The following PDE5A variants were observed in gnomAD, a reference collection of about 807,000 sequenced individuals.
The protein encoded by PDE5A is cGMP-specific 3',5'-cyclic phosphodiesterase.
A neutral mutation model predicts 110.2 loss-of-function variants in PDE5A; 67 were observed. That is an observed-to-expected ratio of 0.61 (90% CI 0.50 to 0.75). The LOEUF (loss-of-function observed/expected upper bound fraction) is 0.75. PDE5A is among the 30% of genes least tolerant of loss of function. PDE5A has a pLI of 0.00. For missense variants in PDE5A, 862 were observed against 1,045.1 expected (o/e 0.82, Z 2.42); for synonymous variants, 328 against 351.2 (o/e 0.93, Z 0.74).
chr4:119,565,544 G>A (rs1374488135), intron 4 of PDE5A, 134 bp from the exon 5 acceptor site: 1 of 642,016 alleles, frequency 1.6e-6, no homozygotes, highest in Non-Finnish European at 2.8e-6. Flanking sequence ...AAATTAGGAT[G>A]ATATAAACTA....
chr4:119,605,646 CA>C (rs199717561), intron 2 of PDE5A, among the ~76,000 whole-genome samples: 22 of 142,680 alleles, frequency 1.5e-4, no homozygotes, highest in Admixed American at 1.4e-4. Context: ...GACTCCATCT[CA>C]AAAAAAAAAA....
At chr4:119,515,451 G>A (rs116392585) in intron 14 of PDE5A, among the ~76,000 whole-genome samples, 493 of 151,962 alleles carry the variant, frequency 3.2e-3, no homozygotes, top group Non-Finnish European at 5.4e-3. Context: ...TTCTCCCCCT[G>A]ATTGTATTGC....
At chr4:119,571,355 C>A (rs1165029343) in intron 3 of PDE5A, among the ~76,000 whole-genome samples, 3 of 151,992 alleles carry the variant, frequency 2.0e-5, no homozygotes, top group Non-Finnish European at 4.4e-5. Flanking sequence ...GGGAGATTAT[C>A]CTGAATTATC....
At chr4:119,538,394 A>C (rs1280026662) in intron 11 of PDE5A, among the ~76,000 whole-genome samples, 4 of 152,160 alleles carry the variant, frequency 2.6e-5, no homozygotes, top group African/African-American at 9.7e-5. Context: ...TAAAGTGTTA[A>C]AGTGCCTCAA....
chr4:119,595,841 C>T (rs919554583), intron 3 of PDE5A, among the ~76,000 whole-genome samples: 1 of 152,118 alleles, frequency 6.6e-6, no homozygotes, highest in African/African-American at 2.4e-5. Flanking sequence ...GATTCTGTTT[C>T]TGTGGAGAAC....
chr4:119,574,175 T>C lies in PDE5A; in HGVS notation c.832-7031A>G, dbSNP rs970136552. Among the ~76,000 whole-genome samples the C allele has an allele frequency of 1.8e-4, 22 of 120,962 alleles. No individual in the cohort carries two copies. In the Admixed American group the frequency reaches 2.2e-3, roughly 12 times the overall value. 79.4% of individuals were successfully genotyped at this position (120,962 alleles called of 152,430 possible). A position where few individuals can be genotyped will look rare whatever the true frequency, so the allele number is the denominator to read the frequency against. On this transcript the variant is annotated intron_variant, in intron 3 of 20. Transcript: ENST00000354960. Reference sequence around the variant, plus strand: ...GTGAAATCAGCCCTAGTACAAAATATAGGCTTTTTTTTTTTTTTTTTTTTT... The same window carrying C: ...GTGAAATCAGCCCTAGTACAAAATACAGGCTTTTTTTTTTTTTTTTTTTTT...
chr4:119,518,964 T>C (rs1726013788), intron 14 of PDE5A, 81 bp downstream of exon 14: 1 of 922,400 alleles, frequency 1.1e-6, no homozygotes, highest in Admixed American at 2.0e-5. Context: ...GACCATCAAA[T>C]TTTGCTGTGG....
intron 20 of PDE5A, chr4:119,500,692 C>T (rs1376506694): frequency 6.6e-6 from 1 of 152,174 alleles, no homozygotes; most frequent in East Asian, 1.9e-4. Context: ...CCTACAATAA[C>T]CACCCCCCCT....
chr4:119,539,639 C>T (rs985531374), intron 10 of PDE5A, among the ~76,000 whole-genome samples: 2 of 152,040 alleles, frequency 1.3e-5, no homozygotes, highest in African/African-American at 4.8e-5. Context: ...CACTGAGCCT[C>T]AGGGAGTCAC....
At chr4:119,518,379 G>A (rs1725992144) in intron 14 of PDE5A, among the ~76,000 whole-genome samples, 1 of 152,156 alleles carries the variant, frequency 6.6e-6, no homozygotes, top group South Asian at 2.1e-4. Context: ...ACTTAAGTAT[G>A]GCTCTTAAAG....
chr4:119,539,742 A>G (rs960787283), intron 10 of PDE5A, among the ~76,000 whole-genome samples: 2 of 152,170 alleles, frequency 1.3e-5, no homozygotes, highest in African/African-American at 4.8e-5. Context: ...CATTACTTAG[A>G]GTTAAAAAAT....
rs1729541941 is a variant in PDE5A at position 119,606,706 on chromosome 4, T to C, written c.741+3A>G. 1 of 1,610,168 alleles carries C rather than the reference T, an allele frequency of 6.2e-7. No homozygotes were observed. The highest frequency in any genetic ancestry group is 1.3e-5 in the African/African-American group (1 of 74,844). On this transcript the variant is annotated splice_donor_region_variant and intron_variant, in intron 2 of 20. Coordinates refer to ENST00000354960, the MANE Select transcript of PDE5A (RefSeq NM_001083.4). ...GGTCCTGCTCTCATGCTCCCCTGTT[T>C]ACCTCATATGCATCTTTGATGTTCA...
Position 119,502,663 on chromosome 4 carries a change from A to AAAT in PDE5A, c.2332-11_2332-9dup. 1.9e-6 allele frequency: 3 copies of AAAT among 1,563,508 alleles called. No individual in the cohort carries two copies. The highest frequency in any genetic ancestry group is 1.4e-5 in the African/African-American group (1 of 73,832). ...TGCTACAAGTTCTGCTATCTGAAAT[A>AAAT]AATAACAGACTCAGTTTTGACAATG... On this transcript the variant is annotated splice_polypyrimidine_tract_variant and intron_variant, in intron 18 of 20. Coordinates refer to ENST00000354960, the MANE Select transcript of PDE5A (RefSeq NM_001083.4).
chr4:119,556,979 T>C (rs921521470), intron 7 of PDE5A, among the ~76,000 whole-genome samples: 2 of 152,044 alleles, frequency 1.3e-5, no homozygotes, highest in Admixed American at 6.6e-5. Context: ...GGGAATATTA[T>C]AGTGTCCTTT....
At chr4:119,538,210 C>T (rs549769026) in intron 11 of PDE5A, among the ~76,000 whole-genome samples, 1 of 152,152 alleles carries the variant, frequency 6.6e-6, no homozygotes, top group African/African-American at 2.4e-5. Flanking sequence ...AGAAGATGTA[C>T]ATAAGGGCAC....
intron 1 of PDE5A, among the ~76,000 whole-genome samples, chr4:119,622,640 G>A (rs932033382): frequency 5.3e-5 from 8 of 152,014 alleles, no homozygotes; most frequent in African/African-American, 1.9e-4. Flanking sequence ...TTGAGAGGCC[G>A]AGGTGGGTGG....
At chr4:119,585,885 TG>T (rs375890624) in intron 3 of PDE5A, among the ~76,000 whole-genome samples, 3 of 152,282 alleles carry the variant, frequency 2.0e-5, no homozygotes, top group African/African-American at 7.2e-5. Flanking sequence ...GCTGCCATGA[TG>T]TAAGGACACT....
At chr4:119,608,334 GT>G (rs143836343) in intron 1 of PDE5A, among the ~76,000 whole-genome samples, 1,694 of 152,164 alleles carry the variant, frequency 0.011, 33 homozygotes, top group African/African-American at 0.039. Context: ...ATCACAGTAG[GT>G]GACTTTTTAA....
rs1310579897 is a variant in PDE5A, at chr4:119,505,942, T to G, written c.2190-10A>C. The G allele has an allele frequency of 2.0e-6, 3 of 1,514,388 alleles. No homozygotes were observed. In the Admixed American group the frequency reaches 6.3e-5, roughly 32 times the overall value. The allele number at this position is 1,514,388 out of a possible 1,614,324, so 93.8% of individuals were successfully genotyped here. On this transcript the variant is annotated splice_polypyrimidine_tract_variant and intron_variant, in intron 16 of 20. Coordinates refer to ENST00000354960, the MANE Select transcript of PDE5A (RefSeq NM_001083.4). ...AAATTCTCCTCGCCTCCTACAATGT[T>G]TAAAAAAAAATTGTTAGTTATAATG...
Sources: allele counts gnomAD v4.1 joint callset (sites outside exome capture counted in the v4.1 genomes callset), GRCh38; gene constraint gnomAD v4.1.1; transcripts MANE v1.5; gene names NCBI Gene and HGNC (gene_info 2026-07-23, HGNC 2026-07-21).